Variants in CCSER2 observed in about 807,000 individuals in gnomAD.
CCSER2 encodes the protein serine-rich coiled-coil domain-containing protein 2.
CCSER2 carries 46 observed loss-of-function variants against 92.3 expected under a neutral mutation model. The observed-to-expected ratio is 0.50, with a 90% CI of 0.39 to 0.64. CCSER2 has a LOEUF of 0.64. Among genes scored for constraint, CCSER2 ranks in the 30% least tolerant of loss-of-function variants. CCSER2 has a pLI of 0.00. For synonymous variants in CCSER2, 433 were observed against 431.4 expected, an observed-to-expected ratio of 1.00 and a Z score of -0.04; for missense variants, 1,244 against 1,238.9, an observed-to-expected ratio of 1.00 and a Z score of -0.06.
intron 6 of CCSER2, among the ~76,000 whole-genome samples, chr10:84,457,341 ATT>A (rs1252454116): frequency 1.2e-4 from 7 of 60,764 alleles, no homozygotes; most frequent in Non-Finnish European, 1.9e-4. Context: ...TATATTATAT[ATT>A]ATATATAATA....
At chr10:84,509,948 T>C (rs751373485) in intron 9 of CCSER2, among the ~76,000 whole-genome samples, 7 of 152,208 alleles carry the variant, frequency 4.6e-5, no homozygotes, top group African/African-American at 4.8e-5. Flanking sequence ...GCTTGTGATA[T>C]GGTTTTTCTG....
rs1564742093 is a variant in CCSER2, at chr10:84,514,766, A to T, written c.*499A>T. Reference sequence around the variant, plus strand: ...AGTGTTTTGTATATTTAAAAGGTCTATGCAAAAGCTTTGTGATGAATAAAG... The same window carrying T: ...AGTGTTTTGTATATTTAAAAGGTCTTTGCAAAAGCTTTGTGATGAATAAAG... On this transcript the variant is annotated 3_prime_UTR_variant, in exon 10 of 10. Coordinates refer to ENST00000372088, the MANE Select transcript of CCSER2 (RefSeq NM_001284240.2). The T allele has an allele frequency of 6.5e-6, 1 of 154,060 alleles. No individual in the cohort carries two copies. The highest frequency in any genetic ancestry group is 1.4e-5 in the Non-Finnish European group (1 of 69,136). The allele number at this position is 154,060 out of a possible 1,614,324, so 9.5% of individuals were successfully genotyped here.
At chr10:84,349,366 C>G (rs1844733011) in intron 1 of CCSER2, among the ~76,000 whole-genome samples, 1 of 152,136 alleles carries the variant, frequency 6.6e-6, no homozygotes, top group South Asian at 2.1e-4. Context: ...TCTCTCTCCC[C>G]TATATATCTT....
At chr10:84,453,513 G>A (rs994072466) in intron 6 of CCSER2, among the ~76,000 whole-genome samples, 3 of 152,186 alleles carry the variant, frequency 2.0e-5, no homozygotes, top group South Asian at 2.1e-4. Context: ...CGCCAACAGC[G>A]TGGTCAGTTT....
chr10:84,333,725 C>A (rs1425230440), intron 1 of CCSER2, among the ~76,000 whole-genome samples: 1 of 152,094 alleles, frequency 6.6e-6, no homozygotes, highest in East Asian at 1.9e-4. Context: ...AAGTGGAGAT[C>A]GGGATATTTT....
chr10:84,333,804 T>C (rs1413444193), intron 1 of CCSER2, among the ~76,000 whole-genome samples: 2 of 152,224 alleles, frequency 1.3e-5, no homozygotes, highest in African/African-American at 2.4e-5. Context: ...TTGGAAGACA[T>C]TGAGTGGGGT....
intron 3 of CCSER2, among the ~76,000 whole-genome samples, chr10:84,414,083 A>C (rs1431224103): frequency 1.3e-5 from 2 of 152,038 alleles, no homozygotes; most frequent in Non-Finnish European, 2.9e-5. Context: ...ATACCGATGG[A>C]TCTTGGCTAA....
At chr10:84,504,412 G>A (rs1848934987) in intron 9 of CCSER2, among the ~76,000 whole-genome samples, 1 of 151,862 alleles carries the variant, frequency 6.6e-6, no homozygotes, top group Non-Finnish European at 1.5e-5. Context: ...TGGCTGATGA[G>A]CCCTTTGTAA....
At chr10:84,513,176 T>C (rs1849453838) in intron 9 of CCSER2, among the ~76,000 whole-genome samples, 1 of 152,236 alleles carries the variant, frequency 6.6e-6, no homozygotes, top group Non-Finnish European at 1.5e-5. Context: ...GAATTTTTTC[T>C]ATAATAAATT....
chr10:84,451,184 T>C (rs1023511273), intron 6 of CCSER2, among the ~76,000 whole-genome samples: 2 of 149,558 alleles, frequency 1.3e-5, no homozygotes, highest in African/African-American at 4.9e-5. Flanking sequence ...ATAGGAAACA[T>C]AGAAATATGT....
Position 84,438,723 on chromosome 10 carries a change from A to T in CCSER2, c.2064+16A>T, listed in dbSNP as rs772478707. 1 of 1,491,782 alleles carries T rather than the reference A, an allele frequency of 6.7e-7. No individual in the cohort carries two copies. Among genetic ancestry groups the T allele is most frequent in the Admixed American group, 2.1e-5 (1 of 46,986 alleles). The allele number at this position is 1,491,782 out of a possible 1,614,324, so 92.4% of individuals were successfully genotyped here. A position where few individuals can be genotyped will look rare whatever the true frequency, so the allele number is the denominator to read the frequency against. On this transcript the variant is annotated intron_variant, in intron 6 of 9. Transcript: ENST00000372088. ...CCTGCATCAGGTGAGTACATAATGA[A>T]CATTTCCAGCTCTGATATTTTGAAT...
intron 1 of CCSER2, 30 bp from the exon 2 acceptor site, chr10:84,370,984 G>A: frequency 4.1e-6 from 4 of 983,424 alleles, no homozygotes; most frequent in Non-Finnish European, 4.4e-6. Flanking sequence ...ATTTAGGAAT[G>A]TTTAATGTAC....
Position 84,371,471 on chromosome 10 carries a change from A to G in CCSER2, c.419A>G (p.Gln140Arg). 6.2e-7 allele frequency: 1 copy of G among 1,613,944 alleles called. No individual in the cohort carries two copies. Among genetic ancestry groups the G allele is most frequent in the Non-Finnish European group, 8.5e-7 (1 of 1,179,900 alleles). The part of the protein sequence containing the change: ...MFVSSTEELN[Q>R]KSFSGPSNLG... ...GTGTCATCTACAGAGGAGTTAAACC[A>G]AAAGTCTTTTTCTGGACCATCTAAT... The change falls in exon 2 of 10, where the codon CAA becomes CGA. Residue 140 changes from glutamine to arginine, a missense_variant. By Grantham distance (43) the Gln-to-Arg change is conservative. Transcript: ENST00000372088.
chr10:84,360,042 G>T (rs940043709), intron 1 of CCSER2, among the ~76,000 whole-genome samples: 12 of 152,124 alleles, frequency 7.9e-5, no homozygotes, highest in Non-Finnish European at 1.5e-5. Flanking sequence ...TGGAACTCCT[G>T]ACCTCAGGTG....
chr10:84,372,587 C>G (rs1846123804), intron 2 of CCSER2, 118 bp downstream of exon 2: 1 of 677,548 alleles, frequency 1.5e-6, no homozygotes, highest in Non-Finnish European at 2.4e-6. Flanking sequence ...AGGGATAGAT[C>G]TAGACAAAAT....
chr10:84,442,408 A>G (rs531814140), intron 6 of CCSER2, among the ~76,000 whole-genome samples: 3 of 152,362 alleles, frequency 2.0e-5, no homozygotes, highest in East Asian at 3.9e-4. Context: ...GAAATTTACT[A>G]AAATGGAAAG....
Position 84,514,244 on chromosome 10 carries a change from C to G in CCSER2, c.3121C>G (p.Leu1041Val). ...DCLASNRYSR[L>V]PKPKIH is the part of the protein sequence containing the mutation. Reference sequence around the variant, plus strand: ...TTTGGCCTCTAATCGATATTCTCGTCTTCCTAAACCAAAGATACATTAAGT... The same window carrying G: ...TTTGGCCTCTAATCGATATTCTCGTGTTCCTAAACCAAAGATACATTAAGT... The change falls in exon 10 of 10, where the codon CTT becomes GTT. Residue 1041 changes from leucine to valine, a missense_variant. Coordinates refer to ENST00000372088, the MANE Select transcript of CCSER2 (RefSeq NM_001284240.2). 1.3e-6 allele frequency: 2 copies of G among 1,535,902 alleles called. No homozygotes were observed. Among genetic ancestry groups the G allele is most frequent in the Non-Finnish European group, 1.7e-6 (2 of 1,146,584 alleles).
At chr10:84,492,280 C>CA (rs1293709141) in intron 9 of CCSER2, among the ~76,000 whole-genome samples, 276 of 93,790 alleles carry the variant, frequency 2.9e-3, no homozygotes, top group East Asian at 3.8e-3. Context: ...ACTCTGTCTC[C>CA]AAAAAAAAAA....
At chr10:84,378,736 A>G (rs1846478804) in intron 3 of CCSER2, among the ~76,000 whole-genome samples, 1 of 152,092 alleles carries the variant, frequency 6.6e-6, no homozygotes, top group Admixed American at 6.6e-5. Flanking sequence ...CGCCCGGCCT[A>G]AAAATTAATT....
Sources: allele counts gnomAD v4.1 joint callset (sites outside exome capture counted in the v4.1 genomes callset), GRCh38; gene constraint gnomAD v4.1.1; transcripts MANE v1.5; gene names NCBI Gene and HGNC (gene_info 2026-07-23, HGNC 2026-07-21).